EYS: variants seen among roughly 807,000 people sequenced by gnomAD.
The protein encoded by EYS is protein eyes shut homolog.
EYS carries 250 observed loss-of-function variants against 282.1 expected under a neutral mutation model. The observed-to-expected ratio is 0.89, with a 90% CI of 0.80 to 0.98. The LOEUF (loss-of-function observed/expected upper bound fraction) is 0.98, where lower values mean the gene tolerates loss of function less well. EYS is among the 50% of genes least tolerant of loss of function. EYS has a pLI of 0.00. For synonymous variants in EYS, 1,355 were observed against 1,282.9 expected (o/e 1.06, Z -1.20); for missense variants, 4,016 against 3,709.0 (o/e 1.08, Z -2.15).
intron 26 of EYS, among the ~76,000 whole-genome samples, chr6:64,533,948 G>A (rs918925594): frequency 4.0e-5 from 6 of 151,770 alleles, no homozygotes; most frequent in African/African-American, 1.5e-4. Flanking sequence ...TGTGACAAGA[G>A]GACATAGAGA....
Position 63,840,949 on chromosome 6 carries a change from A to G in EYS, c.7228+23237T>C, listed in dbSNP as rs147149385. Among the ~76,000 whole-genome samples, 55 of 152,266 alleles carry G rather than the reference A, an allele frequency of 3.6e-4. No homozygotes were observed. In the East Asian group the frequency reaches 9.8e-3, roughly 27 times the overall value. On this transcript the variant is annotated intron_variant, in intron 36 of 42. Coordinates refer to ENST00000503581, the MANE Select transcript of EYS (RefSeq NM_001142800.2). ...TGTTTTGGTTACTCTAGCTTTGACT[A>G]TATTTTGAAGTCAGCTTTGTTCTAT...
intron 22 of EYS, among the ~76,000 whole-genome samples, chr6:64,745,076 C>T (rs1335403849): frequency 5.3e-5 from 8 of 152,226 alleles, no homozygotes; most frequent in Admixed American, 2.0e-4. Flanking sequence ...AGACAGAGTG[C>T]GCTCATCATA....
intron 26 of EYS, among the ~76,000 whole-genome samples, chr6:64,528,309 C>A (rs1777989637): frequency 6.6e-6 from 1 of 151,862 alleles, no homozygotes; most frequent in Non-Finnish European, 1.5e-5. Context: ...CTTTTCACTT[C>A]CGCATCACTG....
At position 63,737,799 on chromosome 6, in the gene EYS, A is replaced by C. The variant is rs547865077; in HGVS notation, c.8072-11119T>G. The stretch of plus-strand genomic sequence containing the variant: ...AAACTACCATCAGAGTGAAGAGGCA[A>C]CCTACAAAATGGGAGAAAATTTTCG... On this transcript the variant is annotated intron_variant, in intron 41 of 42. Coordinates refer to ENST00000503581, the MANE Select transcript of EYS (RefSeq NM_001142800.2). 1.3e-3 allele frequency among the ~76,000 whole-genome samples: 192 copies of C among 152,294 alleles called. 1 individual carries two copies. The highest frequency in any genetic ancestry group is 2.0e-3 in the Non-Finnish European group (136 of 68,026).
At chr6:64,643,237 A>G (rs572959502) in intron 22 of EYS, among the ~76,000 whole-genome samples, 22 of 152,260 alleles carry the variant, frequency 1.4e-4, no homozygotes, top group African/African-American at 5.1e-4. Flanking sequence ...TAGAGTGTAT[A>G]ATTGGCATCT....
chr6:65,097,646 T>C (rs1228351844), intron 12 of EYS, among the ~76,000 whole-genome samples: 2 of 150,852 alleles, frequency 1.3e-5, no homozygotes, highest in Non-Finnish European at 3.0e-5. Flanking sequence ...CCAAGTGTGG[T>C]ACATATGTAC....
intron 22 of EYS, among the ~76,000 whole-genome samples, chr6:64,686,765 G>GTA (rs1309346583): frequency 7.7e-5 from 1 of 12,942 alleles, no homozygotes; most frequent in African/African-American, 1.4e-4. Context: ...ATATATATGT[G>GTA]TGTATATATA....
chr6:64,280,546 A>G (rs1014941456), intron 30 of EYS, among the ~76,000 whole-genome samples: 2 of 152,144 alleles, frequency 1.3e-5, no homozygotes, highest in African/African-American at 4.8e-5. Context: ...CTCCACCATA[A>G]ATTTATACAG....
chr6:64,068,602 C>T (rs1771462110), intron 32 of EYS, among the ~76,000 whole-genome samples: 1 of 151,830 alleles, frequency 6.6e-6, no homozygotes, highest in African/African-American at 2.4e-5. Context: ...CACATGTAAA[C>T]ATGTGTAACA....
intron 35 of EYS, among the ~76,000 whole-genome samples, chr6:63,919,564 A>G (rs1479563576): frequency 6.6e-6 from 1 of 152,184 alleles, no homozygotes; most frequent in Non-Finnish European, 1.5e-5. Flanking sequence ...ATGATATTAA[A>G]CTGTGACATA....
chr6:64,592,870 C>T (rs543085192), intron 25 of EYS, among the ~76,000 whole-genome samples: 10 of 152,046 alleles, frequency 6.6e-5, no homozygotes, highest in Non-Finnish European at 8.8e-5. Context: ...GTTGTCTATT[C>T]GAATTTACAC....
At chr6:65,412,141 C>T (rs765539042) in intron 5 of EYS, among the ~76,000 whole-genome samples, 1 of 152,048 alleles carries the variant, frequency 6.6e-6, no homozygotes, top group Non-Finnish European at 1.5e-5. Flanking sequence ...AAAAAGACAG[C>T]CATTGACAAA....
chr6:65,547,568 T>C (rs901541665), intron 2 of EYS, among the ~76,000 whole-genome samples: 4 of 152,136 alleles, frequency 2.6e-5, no homozygotes, highest in Admixed American at 2.0e-4. Flanking sequence ...ATAGTGTCTG[T>C]ATTGTATTGG....
At chr6:64,726,423 A>G (rs980432811) in intron 22 of EYS, among the ~76,000 whole-genome samples, 3 of 152,162 alleles carry the variant, frequency 2.0e-5, no homozygotes, top group African/African-American at 7.2e-5. Context: ...AATCTTTTAA[A>G]TATGCAAACA....
Position 65,494,621 on chromosome 6 carries a change from T to A in EYS, c.748+42A>T, listed in dbSNP as rs778454110. On this transcript the variant is annotated intron_variant, in intron 4 of 42. Transcript: ENST00000503581. ...GTTAACAGTTTATAAATGCACTGTG[T>A]TTCTCTATTTTAATAAAATTATATA... 8 of 1,480,516 alleles carry A rather than the reference T, an allele frequency of 5.4e-6. No homozygotes were observed. In the South Asian group the frequency reaches 8.7e-5, roughly 16 times the overall value. The allele number at this position is 1,480,516 out of a possible 1,614,324, so 91.7% of individuals were successfully genotyped here.
At chr6:63,962,171 G>C (rs144380615) in intron 35 of EYS, among the ~76,000 whole-genome samples, 8,814 of 152,188 alleles carry the variant, frequency 0.058, 314 homozygotes, top group South Asian at 0.14. Flanking sequence ...AGAAAACCTA[G>C]GCAATACCAC....
intron 8 of EYS, among the ~76,000 whole-genome samples, chr6:65,376,233 A>T (rs1312671218): frequency 2.6e-5 from 4 of 152,188 alleles, no homozygotes; most frequent in Non-Finnish European, 5.9e-5. Flanking sequence ...AACAATCTTA[A>T]AGAAAAGATT....
chr6:64,051,925 G>A (rs1770821493), intron 33 of EYS, among the ~76,000 whole-genome samples: 1 of 152,094 alleles, frequency 6.6e-6, no homozygotes, highest in African/African-American at 2.4e-5. Flanking sequence ...GGGTGCAGGG[G>A]AAAGAGTGCC....
intron 12 of EYS, among the ~76,000 whole-genome samples, chr6:65,264,737 TAAC>T (rs1379871993): frequency 6.6e-6 from 1 of 151,974 alleles, no homozygotes; most frequent in African/African-American, 2.4e-5. Flanking sequence ...ATCATATTGA[TAAC>T]AATGAAAGAC....
Sources: allele counts gnomAD v4.1 joint callset (sites outside exome capture counted in the v4.1 genomes callset), GRCh38; gene constraint gnomAD v4.1.1; transcripts MANE v1.5; gene names NCBI Gene and HGNC (gene_info 2026-07-23, HGNC 2026-07-21).